NWD1: variants seen among roughly 807,000 people sequenced by gnomAD.
The protein encoded by NWD1 is NACHT domain- and WD repeat-containing protein 1.
In NWD1, 129 loss-of-function variants were observed where a neutral mutation model predicts 135.1. That is an observed-to-expected ratio of 0.96 (90% CI 0.83 to 1.11). NWD1 has a LOEUF of 1.11. NWD1 is among the 50% of genes least tolerant of loss of function. NWD1 has a pLI of 0.00. For synonymous variants in NWD1, 773 were observed against 786.0 expected (o/e 0.98, Z 0.28); for missense variants, 1,740 against 1,851.3 (o/e 0.94, Z 1.10).
At chr19:16,762,761 C>T (rs1233785329) in intron 8 of NWD1, among the ~76,000 whole-genome samples, 1 of 151,668 alleles carries the variant, frequency 6.6e-6, no homozygotes, top group Non-Finnish European at 1.5e-5. Flanking sequence ...TTTGGTGCTG[C>T]CTTTTCTTTT....
intron 3 of NWD1, among the ~76,000 whole-genome samples, chr19:16,736,209 T>TTTCCTTCCTTCCTTCCTTCC (rs756580912): frequency 0.016 from 1,925 of 117,092 alleles, 122 homozygotes; most frequent in African/African-American, 0.063. Flanking sequence ...TCCTTCCTTC[T>TTTCCTTCCTTCCTTCCTTCC]TTCCTTCCTT....
chr19:16,738,377 T>C, intron 4 of NWD1: 1 of 284,944 alleles, frequency 3.5e-6, no homozygotes, highest in Admixed American at 3.9e-5. Context: ...GAGAGCAGCC[T>C]GGGCAACATG....
At chr19:16,767,688 T>C (rs932306175) in intron 10 of NWD1, among the ~76,000 whole-genome samples, 66 of 152,050 alleles carry the variant, frequency 4.3e-4, no homozygotes, top group African/African-American at 1.5e-3. Context: ...ACCACCCCCA[T>C]GATCCAATCA....
chr19:16,749,075 C>G (rs1377428713), intron 5 of NWD1, 64 bp from the exon 6 acceptor site: 2 of 1,309,896 alleles, frequency 1.5e-6, no homozygotes, highest in African/African-American at 3.0e-5. Context: ...CCAGCAACCC[C>G]ATTTAGGTCA....
At chr19:16,812,076 C>T (rs1010372273) in intron 18 of NWD1, among the ~76,000 whole-genome samples, 1 of 151,974 alleles carries the variant, frequency 6.6e-6, no homozygotes, top group African/African-American at 2.4e-5. Context: ...TTCGGGAAGC[C>T]GAGGCAGGCA....
At chr19:16,782,339 A>C (rs950740159) in intron 12 of NWD1, among the ~76,000 whole-genome samples, 4 of 149,434 alleles carry the variant, frequency 2.7e-5, no homozygotes, top group Admixed American at 6.7e-5. Context: ...GGTGGTGTGC[A>C]CCTGAAGTCC....
chr19:16,748,653 A>G (rs774634741), intron 5 of NWD1, among the ~76,000 whole-genome samples: 1 of 151,934 alleles, frequency 6.6e-6, no homozygotes, highest in Non-Finnish European at 1.5e-5. Flanking sequence ...GTAAGACCCC[A>G]TCTCTACAAA....
chr19:16,746,813 A>T (rs2122786026), intron 5 of NWD1, among the ~76,000 whole-genome samples: 1 of 152,270 alleles, frequency 6.6e-6, no homozygotes. Context: ...GGAAGAGAAA[A>T]TATGTTTGCT....
Position 16,807,991 on chromosome 19 carries a change from C to T in NWD1, c.4142C>T (p.Ala1381Val), listed in dbSNP as rs572212780. 16 of 1,614,144 alleles carry T rather than the reference C, an allele frequency of 9.9e-6. No homozygotes were observed. Among genetic ancestry groups the T allele is most frequent in the East Asian group, 2.2e-5 (1 of 44,886 alleles). Residue 1381 changes from alanine (A) to valine (V), a missense_variant, in exon 18 of 19, where the codon GCG becomes GTG. Ala to Val is a moderately conservative substitution (Grantham distance 64). Transcript: ENST00000524140. ...CTTTACGAGTGTGCAACTTCCAAAG[C>T]GTTTCCCTTGGAGACCCACAGGAGC... The part of the protein sequence containing the change: ...LFLYECATSK[A>V]FPLETHRSRV...
chr19:16,763,602 C>T (rs1969101142), intron 8 of NWD1, among the ~76,000 whole-genome samples: 1 of 152,170 alleles, frequency 6.6e-6, no homozygotes, highest in Admixed American at 6.6e-5. Flanking sequence ...GAAACATTCC[C>T]TATTCCTCCC....
At chr19:16,787,866 GTAATAATAACAA>G (rs1344888570) in intron 12 of NWD1, among the ~76,000 whole-genome samples, 2 of 127,398 alleles carry the variant, frequency 1.6e-5, no homozygotes, top group African/African-American at 5.9e-5. Flanking sequence ...TCTCAAAATA[GTAATAATAACAA>G]TAATAATAAT....
intron 2 of NWD1, among the ~76,000 whole-genome samples, chr19:16,725,873 A>G (rs1021192503): frequency 6.6e-6 from 1 of 151,940 alleles, no homozygotes; most frequent in African/African-American, 2.4e-5. Flanking sequence ...TCTTGGGCTC[A>G]TGCAATCCTC....
At chr19:16,808,464 C>A (rs1298009255) in intron 18 of NWD1, among the ~76,000 whole-genome samples, 1 of 151,374 alleles carries the variant, frequency 6.6e-6, no homozygotes, top group Non-Finnish European at 1.5e-5. Context: ...GCAGGAGAAT[C>A]GCTTGAAATT....
chr19:16,782,342 T>TG (rs1969886153), intron 12 of NWD1, among the ~76,000 whole-genome samples: 2 of 149,328 alleles, frequency 1.3e-5, no homozygotes, highest in Admixed American at 6.7e-5. Flanking sequence ...GGTGTGCACC[T>TG]GAAGTCCCAG....
At chr19:16,812,897 G>A (rs760650836) in intron 18 of NWD1, 2 of 780,220 alleles carry the variant, frequency 2.6e-6, no homozygotes, top group East Asian at 2.4e-5. Flanking sequence ...GATCTGGAGA[G>A]AAAAGGCTCT....
Position 16,750,238 on chromosome 19 carries a change from C to T in NWD1, c.1596C>T (p.Asn532=). 6.2e-7 allele frequency: 1 copy of T among 1,613,578 alleles called. No individual in the cohort carries two copies. The highest frequency in any genetic ancestry group is 8.5e-7 in the Non-Finnish European group (1 of 1,179,854). Reference sequence around the variant, plus strand: ...GGGCCAGCCTCCCAGAGTGTGGGAACCCAGGGCGGCTGAGGCTGGCGTTTG... The same window carrying T: ...GGGCCAGCCTCCCAGAGTGTGGGAATCCAGGGCGGCTGAGGCTGGCGTTTG... ...LLWASLPECG[N]PGRLRLAFEE... Residue 532 remains asparagine (N), a synonymous_variant, in exon 6 of 19, where the codon AAC becomes AAT. Transcript: ENST00000524140.
intron 17 of NWD1, among the ~76,000 whole-genome samples, chr19:16,802,846 C>T (rs1318310708): frequency 6.7e-6 from 1 of 150,350 alleles, no homozygotes; most frequent in Non-Finnish European, 1.5e-5. Flanking sequence ...ACTAAAATTC[C>T]AAAACTTAGC....
intron 17 of NWD1, among the ~76,000 whole-genome samples, chr19:16,803,038 GCC>G (rs1490141644): frequency 6.6e-6 from 1 of 152,096 alleles, no homozygotes; most frequent in African/African-American, 2.4e-5. Context: ...GGCTGGGAAG[GCC>G]TCACAATCAT....
intron 4 of NWD1, chr19:16,738,310 T>C (rs1967921985): frequency 2.5e-6 from 1 of 403,818 alleles, no homozygotes; most frequent in East Asian, 7.9e-5. Context: ...GGCTCACTCC[T>C]GTAATCTCTG....
Sources: gnomAD v4.1 joint callset for allele counts (sites outside exome capture counted in the v4.1 genomes callset) on GRCh38, gnomAD v4.1.1 for gene constraint, MANE v1.5 for transcripts, NCBI Gene and HGNC (gene_info 2026-07-23, HGNC 2026-07-21) for gene names.